NPSR1: variants seen among roughly 807,000 people sequenced by gnomAD.
NPSR1 encodes neuropeptide S receptor.
Under a neutral mutation model 46.9 loss-of-function variants are expected in NPSR1, and 48 were observed. The observed-to-expected ratio is 1.02, with a 90% confidence interval of 0.81 to 1.30. The LOEUF (loss-of-function observed/expected upper bound fraction) is 1.30, where lower values mean the gene tolerates loss of function less well. Among genes scored for constraint, NPSR1 ranks in the 50% most tolerant of loss-of-function variants. The probability of loss-of-function intolerance (pLI) is 0.00; values close to 1 mark genes in which losing one functional copy is unlikely to be tolerated. For synonymous variants in NPSR1, 176 were observed against 168.1 expected (o/e 1.05, Z -0.36); for missense variants, 450 against 449.5 (o/e 1.00, Z -0.01).
At chr7:34,830,822 A>G (rs931437376) in intron 5 of NPSR1, among the ~76,000 whole-genome samples, 4 of 152,080 alleles carry the variant, frequency 2.6e-5, no homozygotes, top group Admixed American at 6.5e-5. Flanking sequence ...GTTTTTTTTC[A>G]AAGATTCCCT....
chr7:34,808,125 G>A (rs1041368681), intron 3 of NPSR1, among the ~76,000 whole-genome samples: 6 of 152,134 alleles, frequency 3.9e-5, no homozygotes, highest in Admixed American at 1.3e-4. Flanking sequence ...ATGGTCACAC[G>A]CCAAGGACTG....
In NPSR1 at chr7:34,868,315, A is replaced by G. The variant is rs548213162; in HGVS notation, c.1026-9761A>G. ...CAGCAGCCCCACTCTGCACCACACA[A>G]CACTCTGTTACTCCCGCCTGGCCTA... On this transcript the variant is annotated intron_variant, in intron 8 of 8. Coordinates refer to the NPSR1 transcript ENST00000359791. Among the ~76,000 whole-genome samples the G allele has an allele frequency of 4.8e-4, 73 of 151,592 alleles. 1 individual carries two copies. Among genetic ancestry groups the G allele is most frequent in the Admixed American group, 1.6e-3 (25 of 15,250 alleles).
chr7:34,854,904 C>T (rs1432826764), downstream of NPSR1, among the ~76,000 whole-genome samples: 1 of 151,608 alleles, frequency 6.6e-6, no homozygotes, highest in African/African-American at 2.4e-5. Flanking sequence ...AAACAAGCTT[C>T]AACACTTCCA....
intron 6 of NPSR1, among the ~76,000 whole-genome samples, chr7:34,842,478 T>G (rs1790602947): frequency 6.6e-6 from 1 of 152,198 alleles, no homozygotes; most frequent in South Asian, 2.1e-4. Context: ...CACACACAAT[T>G]GTGACAATTA....
At chr7:34,721,300 G>A (rs1183379081) in intron 2 of NPSR1, among the ~76,000 whole-genome samples, 1 of 152,194 alleles carries the variant, frequency 6.6e-6, no homozygotes, top group Non-Finnish European at 1.5e-5. Context: ...AAATAGGAAT[G>A]GAAGATAGCA....
At chr7:34,751,518 C>T in intron 2 of NPSR1, 1 of 1,507,334 alleles carries the variant, frequency 6.6e-7, no homozygotes, top group Non-Finnish European at 9.2e-7. Flanking sequence ...GCCCCAGCTC[C>T]TCCTCCATAG....
intron 3 of NPSR1, among the ~76,000 whole-genome samples, chr7:34,791,012 T>C (rs1227133611): frequency 1.6e-5 from 2 of 121,278 alleles, no homozygotes; most frequent in Non-Finnish European, 1.6e-5. Context: ...TTATATGTTA[T>C]ATTATATATG....
intron 2 of NPSR1, among the ~76,000 whole-genome samples, chr7:34,727,461 T>C (rs1040347929): frequency 2.6e-5 from 4 of 152,240 alleles, no homozygotes; most frequent in Non-Finnish European, 5.9e-5. Flanking sequence ...AACGTAACTC[T>C]AGTTTGATAT....
At chr7:34,840,298 C>G (rs1021326599) in intron 6 of NPSR1, among the ~76,000 whole-genome samples, 1 of 152,046 alleles carries the variant, frequency 6.6e-6, no homozygotes, top group African/African-American at 2.4e-5. Flanking sequence ...TCAGGCACAA[C>G]GAGTGCCTTA....
At chr7:34,760,474 G>A (rs141146104) in intron 2 of NPSR1, among the ~76,000 whole-genome samples, 98 of 152,334 alleles carry the variant, frequency 6.4e-4, no homozygotes, top group African/African-American at 2.3e-3. Flanking sequence ...CAGCTGTCAT[G>A]TAGCAGAGCC....
intron 2 of NPSR1, among the ~76,000 whole-genome samples, chr7:34,707,169 T>C (rs1485230307): frequency 6.6e-6 from 1 of 152,236 alleles, no homozygotes; most frequent in African/African-American, 2.4e-5. Flanking sequence ...TTGTTAAACC[T>C]TCATTTTCTC....
At chr7:34,699,190 C>T (rs1170829277) in intron 2 of NPSR1, among the ~76,000 whole-genome samples, 1 of 152,126 alleles carries the variant, frequency 6.6e-6, no homozygotes, top group Non-Finnish European at 1.5e-5. Flanking sequence ...CATAAAGATG[C>T]TGTTATTGAC....
chr7:34,664,619 A>T (rs903887930), intron 1 of NPSR1, among the ~76,000 whole-genome samples: 2 of 103,172 alleles, frequency 1.9e-5, no homozygotes, highest in African/African-American at 1.2e-4. Context: ...TTTTTTTTAA[A>T]AAAAAAAAAT....
intron 3 of NPSR1, among the ~76,000 whole-genome samples, chr7:34,809,553 TC>T (rs1483871582): frequency 6.8e-6 from 1 of 146,736 alleles, no homozygotes; most frequent in African/African-American, 2.5e-5. Flanking sequence ...AAGCTCTGCC[TC>T]CCGGGTTCAC....
intron 3 of NPSR1, among the ~76,000 whole-genome samples, chr7:34,790,379 T>G (rs186232234): frequency 5.3e-5 from 8 of 152,016 alleles, no homozygotes; most frequent in African/African-American, 1.9e-4. Flanking sequence ...CTTCAACAAA[T>G]AAAGACCACA....
At chr7:34,698,608 T>A (rs147864474) in intron 2 of NPSR1, among the ~76,000 whole-genome samples, 30 of 152,262 alleles carry the variant, frequency 2.0e-4, no homozygotes, top group Middle Eastern at 3.4e-3. Context: ...AATTTAAACA[T>A]CAGAATTTGA....
At chr7:34,861,621 A>T (rs1451955566) in intron 8 of NPSR1, among the ~76,000 whole-genome samples, 1 of 151,876 alleles carries the variant, frequency 6.6e-6, no homozygotes, top group Non-Finnish European at 1.5e-5. Flanking sequence ...CACCCAAAAT[A>T]GAGTAGATAC....
intron 8 of NPSR1, among the ~76,000 whole-genome samples, chr7:34,875,487 G>A (rs944320809): frequency 6.6e-6 from 1 of 152,186 alleles, no homozygotes; most frequent in Non-Finnish European, 1.5e-5. Flanking sequence ...TGCAAATTCA[G>A]GCAGATCACT....
rs773666295 is a variant in NPSR1 at position 34,848,580 on chromosome 7, C to T, written c.942C>T (p.Ile314=). ...DTQERFYASV[I]IQNLPALNSA... Reference sequence around the variant, plus strand: ...AGGAGCGTTTCTATGCCTCTGTGATCATTCAGAACCTGCCAGCATTGAATA... The same window carrying T: ...AGGAGCGTTTCTATGCCTCTGTGATTATTCAGAACCTGCCAGCATTGAATA... The change falls in exon 8 of 9, where the codon ATC becomes ATT. Residue 314 remains isoleucine (I), a synonymous_variant. Coordinates refer to ENST00000360581, the MANE Select transcript of NPSR1 (RefSeq NM_207172.2). 2 of 1,614,196 alleles carry T rather than the reference C, an allele frequency of 1.2e-6. No individual in the cohort carries two copies. The highest frequency in any genetic ancestry group is 1.7e-6 in the Non-Finnish European group (2 of 1,180,008).
Sources: allele counts gnomAD v4.1 joint callset (sites outside exome capture counted in the v4.1 genomes callset), GRCh38; gene constraint gnomAD v4.1.1; transcripts MANE v1.5; gene names NCBI Gene and HGNC (gene_info 2026-07-23, HGNC 2026-07-21).